Variants in MRAS observed in about 807,000 individuals in gnomAD.
MRAS encodes ras-related protein M-Ras.
Under a neutral mutation model 20.9 loss-of-function variants are expected in MRAS, and 4 were observed. The observed-to-expected ratio is 0.19, with a 90% CI of 0.09 to 0.44. The LOEUF is 0.44. MRAS is among the 20% of genes least tolerant of loss of function. MRAS has a pLI of 0.99. For synonymous variants in MRAS, 98 were observed against 102.9 expected, an observed-to-expected ratio of 0.95 and a Z score of 0.29; for missense variants, 154 against 277.5, an observed-to-expected ratio of 0.56 and a Z score of 3.16.
chr3:138,361,474 G>C (rs2054446007), intron 1 of MRAS, among the ~76,000 whole-genome samples: 1 of 152,224 alleles, frequency 6.6e-6, no homozygotes, highest in Non-Finnish European at 1.5e-5. Flanking sequence ...CTTGGCCTGG[G>C]ATGTGGGTAA....
chr3:138,357,317 A>G (rs2108498187), intron 1 of MRAS, among the ~76,000 whole-genome samples: 1 of 152,274 alleles, frequency 6.6e-6, no homozygotes, highest in East Asian at 1.9e-4. Context: ...CAGCCTGGGG[A>G]CTCAGGGACT....
chr3:138,394,415 G>A (rs1032186277), intron 2 of MRAS, among the ~76,000 whole-genome samples: 14 of 152,282 alleles, frequency 9.2e-5, no homozygotes, highest in African/African-American at 2.9e-4. Flanking sequence ...ATGGCTCTGG[G>A]GGATGTGCAG....
At chr3:138,381,491 C>T (rs1365316324) in intron 2 of MRAS, among the ~76,000 whole-genome samples, 1 of 152,238 alleles carries the variant, frequency 6.6e-6, no homozygotes, top group Non-Finnish European at 1.5e-5. Context: ...CAAATCCTCT[C>T]CTCACTTACA....
At chr3:138,364,473 A>G (rs1275657034) in intron 1 of MRAS, among the ~76,000 whole-genome samples, 2 of 152,222 alleles carry the variant, frequency 1.3e-5, no homozygotes, top group Non-Finnish European at 2.9e-5. Context: ...CAAAGTACAG[A>G]AAGTAACTTG....
intron 1 of MRAS, among the ~76,000 whole-genome samples, chr3:138,351,041 G>A (rs1041359601): frequency 6.6e-6 from 1 of 152,040 alleles, no homozygotes; most frequent in African/African-American, 2.4e-5. Flanking sequence ...ATGACTATTG[G>A]CCTCTGATAA....
intron 1 of MRAS, among the ~76,000 whole-genome samples, chr3:138,355,306 A>T (rs1052662221): frequency 6.6e-6 from 1 of 152,178 alleles, no homozygotes; most frequent in Non-Finnish European, 1.5e-5. Context: ...TGACGACAGG[A>T]CGCAGCTTCT....
intron 1 of MRAS, among the ~76,000 whole-genome samples, chr3:138,367,290 G>A (rs2054580427): frequency 6.6e-6 from 1 of 152,132 alleles, no homozygotes; most frequent in African/African-American, 2.4e-5. Context: ...CTGGGGCCTT[G>A]TTCTCCTGTT....
intron 2 of MRAS, among the ~76,000 whole-genome samples, chr3:138,395,792 T>C (rs1341227013): frequency 2.0e-5 from 3 of 152,230 alleles, no homozygotes. Context: ...CTTCTGTCCA[T>C]AGGGCCTAGA....
intron 1 of MRAS, among the ~76,000 whole-genome samples, chr3:138,359,361 C>T (rs1394124272): frequency 6.6e-6 from 1 of 152,164 alleles, no homozygotes; most frequent in African/African-American, 2.4e-5. Context: ...AAATCTCACA[C>T]TCATTGCCAT....
In MRAS at chr3:138,403,991, C is replaced by G. The variant is rs1370655756; in HGVS notation, c.*1722C>G. 6.6e-6 allele frequency: 1 copy of G among 152,226 alleles called. No homozygotes were observed. Among genetic ancestry groups the G allele is most frequent in the East Asian group, 1.9e-4 (1 of 5,202 alleles). 9.4% of individuals were successfully genotyped at this position (152,226 alleles called of 1,614,324 possible). ...CTGCTACAAAAGGAGACAGTTGAGA[C>G]TTTTGCTTGTTGGAAATCAAACTTC... On this transcript the variant is annotated 3_prime_UTR_variant, in exon 6 of 6. Coordinates refer to ENST00000423968, the MANE Select transcript of MRAS (RefSeq NM_001085049.3).
At chr3:138,398,666 T>A (rs1353780134) in intron 4 of MRAS, 98 bp downstream of exon 4, 3 of 1,029,746 alleles carry the variant, frequency 2.9e-6, no homozygotes, top group African/African-American at 3.2e-5. Context: ...AAACTACTGT[T>A]TATTGAAGGG....
intron 2 of MRAS, among the ~76,000 whole-genome samples, chr3:138,377,866 T>G (rs2054818054): frequency 6.6e-6 from 1 of 152,260 alleles, no homozygotes; most frequent in Non-Finnish European, 1.5e-5. Flanking sequence ...GGAAGGCCCG[T>G]GCTAAGCACA....
chr3:138,381,592 A>G (rs146226615), intron 2 of MRAS, among the ~76,000 whole-genome samples: 70 of 152,168 alleles, frequency 4.6e-4, no homozygotes, highest in East Asian at 4.3e-3. Context: ...TCTTTCTTCC[A>G]TCGGTGGAGA....
At chr3:138,357,865 C>T (rs570226884) in intron 1 of MRAS, among the ~76,000 whole-genome samples, 3 of 152,336 alleles carry the variant, frequency 2.0e-5, no homozygotes, top group African/African-American at 7.2e-5. Flanking sequence ...TTGCTCACAC[C>T]CTTGGAGAAT....
rs747827912 is a variant in MRAS at position 138,405,195 on chromosome 3, G to A, written c.*2926G>A. ...CTGTGGAAAATGCCTGGCTGGCCTC[G>A]TGGGGCCTGTCTCACTTTTCCAGGA... is the stretch of plus-strand genomic sequence containing the variant. On this transcript the variant is annotated 3_prime_UTR_variant, in exon 6 of 6. Transcript: ENST00000423968. The A allele has an allele frequency of 1.3e-5, 2 of 152,602 alleles. No homozygotes were observed. The highest frequency in any genetic ancestry group is 2.4e-5 in the African/African-American group (1 of 41,444). 9.5% of individuals were successfully genotyped at this position (152,602 alleles called of 1,614,324 possible). A position where few individuals can be genotyped will look rare whatever the true frequency, so the allele number is the denominator to read the frequency against.
chr3:138,403,573 G>T lies in MRAS; in HGVS notation c.*1304G>T. 1 of 152,658 alleles carries T rather than the reference G, an allele frequency of 6.6e-6. No homozygotes were observed. Among genetic ancestry groups the T allele is most frequent in the East Asian group, 1.9e-4 (1 of 5,208 alleles). 9.5% of individuals were successfully genotyped at this position (152,658 alleles called of 1,614,324 possible). On this transcript the variant is annotated 3_prime_UTR_variant, in exon 6 of 6. Transcript: ENST00000423968. ...GAAGTAAGGAAGGCTGGGCTGATGT[G>T]TGGCTCTCATATACCTTCTGCAAGG...
intron 2 of MRAS, among the ~76,000 whole-genome samples, chr3:138,380,264 A>G (rs1177011399): frequency 6.6e-6 from 1 of 151,876 alleles, no homozygotes; most frequent in Non-Finnish European, 1.5e-5. Flanking sequence ...CCCCTTAAAC[A>G]CTAAGTCCCC....
chr3:138,383,763 C>T (rs895641868), intron 2 of MRAS, among the ~76,000 whole-genome samples: 13 of 152,192 alleles, frequency 8.5e-5, no homozygotes, highest in African/African-American at 3.1e-4. Context: ...ATTGGCAAAT[C>T]AAAGCCCCTG....
At chr3:138,351,831 T>G (rs2054233271) in intron 1 of MRAS, among the ~76,000 whole-genome samples, 1 of 152,106 alleles carries the variant, frequency 6.6e-6, no homozygotes, top group Non-Finnish European at 1.5e-5. Context: ...CTCTTTAATA[T>G]GTTGATGAGA....
Sources: allele counts gnomAD v4.1 joint callset (sites outside exome capture counted in the v4.1 genomes callset), GRCh38; gene constraint gnomAD v4.1.1; transcripts MANE v1.5; gene names NCBI Gene and HGNC (gene_info 2026-07-23, HGNC 2026-07-21).